Variants in MGMT observed in about 807,000 individuals in gnomAD.
MGMT encodes the protein methylated-DNA--protein-cysteine methyltransferase.
MGMT carries 14 observed loss-of-function variants against 15.9 expected under a neutral mutation model. The observed-to-expected ratio is 0.88, with a 90% CI of 0.58 to 1.37. The LOEUF (loss-of-function observed/expected upper bound fraction) is 1.37, where lower values mean the gene tolerates loss of function less well. Ranked by LOEUF, MGMT falls within the 40% of genes most tolerant of loss-of-function variation. The pLI is 0.00. For synonymous variants in MGMT, 130 were observed against 118.2 expected, an observed-to-expected ratio of 1.10 and a Z score of -0.65; for missense variants, 282 against 268.1, an observed-to-expected ratio of 1.05 and a Z score of -0.36.
At chr10:129,714,566 C>T (rs1848271491) in intron 3 of MGMT, among the ~76,000 whole-genome samples, 2 of 152,032 alleles carry the variant, frequency 1.3e-5, no homozygotes, top group Non-Finnish European at 2.9e-5. Flanking sequence ...ACTTCTTACC[C>T]CTCCTCAAGA....
At chr10:129,509,952 C>A (rs1413716927) in intron 1 of MGMT, among the ~76,000 whole-genome samples, 1 of 152,190 alleles carries the variant, frequency 6.6e-6, no homozygotes, top group Non-Finnish European at 1.5e-5. Flanking sequence ...ATCCTGGGGT[C>A]AGGGTTGGAG....
chr10:129,651,961 G>A lies in MGMT; in HGVS notation c.126-55934G>A, dbSNP rs566094170. ...GGGGCTGGAAACAGAGGCCGGTGGC[G>A]TGGTGTGATGTTCAGCGTTGGCCAG... is the stretch of plus-strand genomic sequence containing the variant. On this transcript the variant is annotated intron_variant, in intron 2 of 4. Transcript: ENST00000651593. Among the ~76,000 whole-genome samples the A allele has an allele frequency of 5.3e-5, 8 of 149,800 alleles. No individual in the cohort carries two copies. In the East Asian group the frequency reaches 1.2e-3, roughly 22 times the overall value.
At chr10:129,501,133 A>G (rs532715629) in intron 1 of MGMT, among the ~76,000 whole-genome samples, 5 of 152,352 alleles carry the variant, frequency 3.3e-5, no homozygotes, top group Non-Finnish European at 7.3e-5. Context: ...GCTCTTAGCC[A>G]GTAGCAGCTG....
intron 2 of MGMT, among the ~76,000 whole-genome samples, chr10:129,644,085 T>C (rs997693861): frequency 1.3e-5 from 2 of 152,236 alleles, no homozygotes; most frequent in African/African-American, 4.8e-5. Context: ...TAACCCATCA[T>C]GCTGTTGAGT....
At chr10:129,739,643 G>A (rs914962110) in intron 3 of MGMT, among the ~76,000 whole-genome samples, 2 of 151,888 alleles carry the variant, frequency 1.3e-5, no homozygotes, top group African/African-American at 4.8e-5. Context: ...ACCACAGTCA[G>A]ATCAGAACCA....
In MGMT at chr10:129,766,828, G is replaced by A. The variant is rs548839205; in HGVS notation, c.455G>A (p.Ser152Asn). Residue 152 changes from serine to asparagine, a missense_variant, in exon 5 of 5, where the codon AGC (serine) becomes AAC (asparagine). By Grantham distance (46) the Ser-to-Asn change is conservative. Coordinates refer to ENST00000651593, the MANE Select transcript of MGMT (RefSeq NM_002412.5). ...CCGTGCCACAGAGTGGTCTGCAGCA[G>A]CGGAGCCGTGGGCAACTACTCCGGA... is the stretch of plus-strand genomic sequence containing the variant. ...LIPCHRVVCS[S>N]GAVGNYSGGL... The A allele has an allele frequency of 5.6e-5, 91 of 1,613,514 alleles. No homozygotes were observed. In the South Asian group the frequency reaches 9.6e-4, roughly 17 times the overall value.
chr10:129,676,051 C>T (rs990415153), intron 2 of MGMT, among the ~76,000 whole-genome samples: 4 of 152,182 alleles, frequency 2.6e-5, no homozygotes, highest in Non-Finnish European at 4.4e-5. Context: ...AGGGAAGGGG[C>T]TCCATTGGCT....
intron 2 of MGMT, among the ~76,000 whole-genome samples, chr10:129,687,787 T>C (rs1367259078): frequency 3.9e-5 from 6 of 151,926 alleles, no homozygotes; most frequent in South Asian, 2.1e-4. Context: ...CATGTTGGTG[T>C]GCTGCACCCA....
intron 1 of MGMT, among the ~76,000 whole-genome samples, chr10:129,474,793 G>A (rs537245607): frequency 6.6e-6 from 1 of 152,190 alleles, no homozygotes; most frequent in South Asian, 2.1e-4. Context: ...ACACCATGAC[G>A]TGTTTCGTGG....
intron 2 of MGMT, among the ~76,000 whole-genome samples, chr10:129,559,519 T>TA (rs1431404800): frequency 6.6e-6 from 1 of 152,124 alleles, no homozygotes; most frequent in Non-Finnish European, 1.5e-5. Context: ...TTTTAATGTT[T>TA]TAGGGGAGAT....
At chr10:129,527,505 C>T (rs1589851171) in intron 1 of MGMT, among the ~76,000 whole-genome samples, 3 of 152,258 alleles carry the variant, frequency 2.0e-5, no homozygotes, top group South Asian at 2.1e-4. Context: ...GAAGGCGGGC[C>T]GGGAATTCCT....
chr10:129,715,702 A>G (rs1184400288), intron 3 of MGMT: 3 of 152,264 alleles, frequency 2.0e-5, no homozygotes, highest in African/African-American at 7.2e-5. Context: ...TAACGTGTGC[A>G]TAGAATTGGA....
At chr10:129,515,124 AG>A (rs958323123) in intron 1 of MGMT, among the ~76,000 whole-genome samples, 2 of 151,966 alleles carry the variant, frequency 1.3e-5, no homozygotes, top group African/African-American at 4.8e-5. Flanking sequence ...GGCACAGTTC[AG>A]GGGATTGAGA....
intron 3 of MGMT, among the ~76,000 whole-genome samples, chr10:129,746,490 A>G (rs1287146078): frequency 6.6e-6 from 1 of 151,846 alleles, no homozygotes; most frequent in Non-Finnish European, 1.5e-5. Context: ...TAATTTGTTT[A>G]AGTAAGTCAT....
intron 2 of MGMT, among the ~76,000 whole-genome samples, chr10:129,617,211 G>A (rs1453772534): frequency 6.6e-6 from 1 of 152,148 alleles, no homozygotes; most frequent in African/African-American, 2.4e-5. Flanking sequence ...ACCTCTAAGT[G>A]AGAACACATC....
chr10:129,538,119 T>C (rs778296796), intron 2 of MGMT, among the ~76,000 whole-genome samples: 17 of 152,220 alleles, frequency 1.1e-4, no homozygotes, highest in Non-Finnish European at 1.9e-4. Context: ...AGTATATGAA[T>C]AGTCAATTAA....
chr10:129,536,429 G>A (rs1589855367), intron 2 of MGMT, 52 bp downstream of exon 2: 2 of 1,583,210 alleles, frequency 1.3e-6, no homozygotes, highest in Non-Finnish European at 1.7e-6. Context: ...AAGCAACCGA[G>A]GAGTATATGT....
intron 2 of MGMT, among the ~76,000 whole-genome samples, chr10:129,578,634 T>C (rs1218188036): frequency 6.6e-6 from 1 of 152,206 alleles, no homozygotes; most frequent in Non-Finnish European, 1.5e-5. Context: ...TATATGTATG[T>C]AAGAAACCTG....
chr10:129,555,985 C>G lies in MGMT; in HGVS notation c.125+19608C>G, dbSNP rs972937730. On this transcript the variant is annotated intron_variant, in intron 2 of 4. Transcript: ENST00000651593. ...CTGGACCTCCTCAAAACGGGGCACC[C>G]TCCAGGGAGCTGTCGAGGGGCTCTT... Among the ~76,000 whole-genome samples the G allele has an allele frequency of 2.0e-5, 3 of 152,280 alleles. No individual in the cohort carries two copies. In the South Asian group the frequency reaches 6.2e-4, roughly 32 times the overall value.
Sources: allele counts gnomAD v4.1 joint callset (sites outside exome capture counted in the v4.1 genomes callset), GRCh38; gene constraint gnomAD v4.1.1; transcripts MANE v1.5; gene names NCBI Gene and HGNC (gene_info 2026-07-23, HGNC 2026-07-21).